Variants in SAMD12 observed in about 807,000 individuals in gnomAD.
The protein encoded by SAMD12 is sterile alpha motif domain-containing protein 12.
Under a neutral mutation model 15.0 loss-of-function variants are expected in SAMD12, and 9 were observed. That is an observed-to-expected ratio of 0.60 (90% CI 0.36 to 1.05). The LOEUF (loss-of-function observed/expected upper bound fraction) is 1.05, where lower values mean the gene tolerates loss of function less well. Among genes scored for constraint, SAMD12 ranks in the 50% least tolerant of loss-of-function variants. The pLI, the probability that SAMD12 is intolerant of heterozygous loss-of-function variation, is 0.01. For synonymous variants in SAMD12, 86 were observed against 90.1 expected, an observed-to-expected ratio of 0.96 and a Z score of 0.25; for missense variants, 230 against 234.2, an observed-to-expected ratio of 0.98 and a Z score of 0.12.
chr8:118,285,895 T>C (rs9297582), intron 4 of SAMD12, among the ~76,000 whole-genome samples: 30,690 of 152,050 alleles, frequency 0.2, 3,169 homozygotes, highest in Non-Finnish European at 0.22. Flanking sequence ...TGGCTGGCTA[T>C]CTAAGTGCCT....
chr8:118,561,091 T>G (rs1262178241), intron 2 of SAMD12, among the ~76,000 whole-genome samples: 1 of 152,156 alleles, frequency 6.6e-6, no homozygotes, highest in Non-Finnish European at 1.5e-5. Context: ...TAGGAAAATT[T>G]CCCAAACTAT....
At chr8:118,586,344 C>CTTT (rs869191799) in intron 1 of SAMD12, among the ~76,000 whole-genome samples, 2 of 139,904 alleles carry the variant, frequency 1.4e-5, no homozygotes, top group African/African-American at 5.3e-5. Flanking sequence ...CTTTTTCTTT[C>CTTT]TTTTTTTTTT....
rs539887418 is a variant in SAMD12 at position 118,299,358 on chromosome 8, C to T, written c.433+80202G>A. On this transcript the variant is annotated intron_variant, in intron 4 of 4. Transcript: ENST00000409003. ...TAAGAGATTCAGCAAAAGTAGTACT[C>T]GCTATAGGGTTAAGGAACAGGGATT... Among the ~76,000 whole-genome samples, 316 of 152,204 alleles carry T rather than the reference C, an allele frequency of 2.1e-3. 3 individuals carry two copies. Among genetic ancestry groups the T allele is most frequent in the Non-Finnish European group, 3.7e-3 (250 of 67,996 alleles).
chr8:118,283,776 T>C (rs962838459), intron 4 of SAMD12, among the ~76,000 whole-genome samples: 1 of 152,056 alleles, frequency 6.6e-6, no homozygotes, highest in Non-Finnish European at 1.5e-5. Flanking sequence ...AAAGAGCAAA[T>C]GTATGCATAG....
chr8:118,364,074 A>G (rs922602964), intron 4 of SAMD12, among the ~76,000 whole-genome samples: 1 of 152,198 alleles, frequency 6.6e-6, no homozygotes, highest in Non-Finnish European at 1.5e-5. Context: ...ATGGTTTCCA[A>G]TACGAATCCC....
intron 3 of SAMD12, among the ~76,000 whole-genome samples, chr8:118,430,826 A>G (rs988272745): frequency 1.3e-5 from 2 of 152,216 alleles, no homozygotes; most frequent in African/African-American, 4.8e-5. Flanking sequence ...GCATATAGTT[A>G]GGCTTTTTTT....
intron 3 of SAMD12, among the ~76,000 whole-genome samples, chr8:118,420,828 G>C (rs539928375): frequency 6.6e-6 from 1 of 152,158 alleles, no homozygotes; most frequent in East Asian, 1.9e-4. Context: ...ATTTGATTTG[G>C]GCAAAGGGAA....
At position 118,293,923 on chromosome 8, in the gene SAMD12, C is replaced by A. The variant is rs3894435; in HGVS notation, c.433+85637G>T. On this transcript the variant is annotated intron_variant, in intron 4 of 4. Coordinates refer to the SAMD12 transcript ENST00000409003. ...GTCATCAGACAGAAGCCAGCTCTAG[C>A]GAACCATTCTCACACTGGATCTCTA... 6.6e-3 allele frequency among the ~76,000 whole-genome samples: 1,007 copies of A among 152,280 alleles called. 13 individuals are homozygous for A. The highest frequency in any genetic ancestry group is 0.023 in the African/African-American group (960 of 41,554).
chr8:118,309,350 C>T (rs1815511396), intron 4 of SAMD12, among the ~76,000 whole-genome samples: 2 of 150,014 alleles, frequency 1.3e-5, no homozygotes, highest in Non-Finnish European at 3.0e-5. Flanking sequence ...GAGTAGTATT[C>T]AATGGTGTAT....
chr8:118,289,614 G>C (rs1156982828), intron 4 of SAMD12, among the ~76,000 whole-genome samples: 1 of 152,148 alleles, frequency 6.6e-6, no homozygotes, highest in African/African-American at 2.4e-5. Flanking sequence ...AATCATTTGT[G>C]CTGGCTTCTA....
chr8:118,152,748 C>T, the SAMD12 span, among the ~76,000 whole-genome samples: 3 of 152,160 alleles, frequency 2.0e-5, no homozygotes, highest in Non-Finnish European at 4.4e-5. Flanking sequence ...GTTCACCCCC[C>T]TCGGCCTCCC....
intron 2 of SAMD12, among the ~76,000 whole-genome samples, chr8:118,482,218 C>T (rs775169102): frequency 6.6e-6 from 1 of 152,110 alleles, no homozygotes; most frequent in Non-Finnish European, 1.5e-5. Flanking sequence ...CAGGTCAGAC[C>T]CTTGATATAA....
At chr8:118,482,340 C>G (rs1824149132) in intron 2 of SAMD12, among the ~76,000 whole-genome samples, 1 of 152,160 alleles carries the variant, frequency 6.6e-6, no homozygotes, top group Admixed American at 6.5e-5. Context: ...ACTCACTTCA[C>G]TTCATACACT....
In SAMD12 at chr8:118,321,144, A is replaced by AT. The variant is rs1816242362; in HGVS notation, c.433+58415_433+58416insA. Among the ~76,000 whole-genome samples, 8 of 94,500 alleles carry AT rather than the reference A, an allele frequency of 8.5e-5. No homozygotes were observed. The East Asian group carries it at 2.5e-3, about 30-fold the overall frequency. 62.0% of individuals were successfully genotyped at this position (94,500 alleles called of 152,430 possible). On this transcript the variant is annotated intron_variant, in intron 4 of 4. Coordinates refer to the SAMD12 transcript ENST00000409003. ...TATAACATATATATCATAGATAATA[A>AT]ATATATATATATATATATATATATA...
intron 4 of SAMD12, among the ~76,000 whole-genome samples, chr8:118,332,132 C>T (rs892045632): frequency 1.4e-4 from 21 of 152,226 alleles, no homozygotes; most frequent in Admixed American, 4.6e-4. Context: ...CTTAAAAAGT[C>T]AAATGTAAAC....
At chr8:118,246,914 T>C (rs1030998835) in intron 4 of SAMD12, among the ~76,000 whole-genome samples, 1 of 152,138 alleles carries the variant, frequency 6.6e-6, no homozygotes, top group African/African-American at 2.4e-5. Flanking sequence ...TACTAGATAG[T>C]AACGTGCAAT....
Position 118,496,995 on chromosome 8 carries a change from G to T in SAMD12, c.193-57034C>A, listed in dbSNP as rs541909872. Among the ~76,000 whole-genome samples, 45 of 152,146 alleles carry T rather than the reference G, an allele frequency of 3.0e-4. 1 individual carries two copies. The highest frequency in any genetic ancestry group is 1.0e-3 in the African/African-American group (43 of 41,516). On this transcript the variant is annotated intron_variant, in intron 2 of 3. Transcript: ENST00000314727. ...ATGTTCAACACCACTAATCATTAAA[G>T]AAATGTAAATCAAAACAATGAGATA... is the stretch of plus-strand genomic sequence containing the variant.
At chr8:118,616,870 G>A (rs927571267) in intron 1 of SAMD12, among the ~76,000 whole-genome samples, 4 of 152,204 alleles carry the variant, frequency 2.6e-5, no homozygotes, top group Non-Finnish European at 5.9e-5. Context: ...TCTCAGAGGA[G>A]TGCAAACCCT....
intron 2 of SAMD12, among the ~76,000 whole-genome samples, chr8:118,526,531 C>T (rs1404337382): frequency 6.6e-6 from 1 of 151,954 alleles, no homozygotes. Flanking sequence ...CCAAGTTTAG[C>T]AAGCAGGAAA....
Sources: allele counts gnomAD v4.1 joint callset (sites outside exome capture counted in the v4.1 genomes callset), GRCh38; gene constraint gnomAD v4.1.1; transcripts MANE v1.5; gene names NCBI Gene and HGNC (gene_info 2026-07-23, HGNC 2026-07-21).